Variants in EVI5 observed in about 807,000 individuals in gnomAD.
EVI5 encodes the protein ecotropic viral integration site 5.
EVI5 carries 73 observed loss-of-function variants against 112.0 expected under a neutral mutation model. The observed-to-expected ratio is 0.65, with a 90% CI of 0.54 to 0.79. The LOEUF (loss-of-function observed/expected upper bound fraction) is 0.79, where lower values mean the gene tolerates loss of function less well. Ranked by LOEUF, EVI5 falls within the 30% of genes least tolerant of loss-of-function variation. The pLI is 0.00. For synonymous variants in EVI5, 305 were observed against 319.9 expected (o/e 0.95, Z 0.50); for missense variants, 900 against 968.8 (o/e 0.93, Z 0.94).
At chr1:92,635,956 C>T (rs1171898367) in intron 14 of EVI5, among the ~76,000 whole-genome samples, 3 of 152,104 alleles carry the variant, frequency 2.0e-5, no homozygotes, top group Non-Finnish European at 2.9e-5. Flanking sequence ...TTATTCTGGT[C>T]GTTTTCCTCC....
At chr1:92,785,109 A>G, upstream of EVI5, 1 of 985,304 alleles carries the variant, frequency 1.0e-6, no homozygotes, top group South Asian at 4.7e-5. Flanking sequence ...AGGAGAGCCC[A>G]AGGCGCAGGC....
At chr1:92,532,999 CT>C (rs151026642) in intron 19 of EVI5, among the ~76,000 whole-genome samples, 39 of 140,378 alleles carry the variant, frequency 2.8e-4, no homozygotes, top group Non-Finnish European at 3.1e-4. Context: ...AATCTAGGAA[CT>C]TTTTTTTTTT....
intron 1 of EVI5, among the ~76,000 whole-genome samples, chr1:92,748,412 C>T (rs1679648499): frequency 6.6e-6 from 1 of 152,166 alleles, no homozygotes; most frequent in Admixed American, 6.5e-5. Context: ...TAAGTCTTCC[C>T]AGCTGAGACC....
At chr1:92,759,066 C>T (rs866000334) in intron 1 of EVI5, among the ~76,000 whole-genome samples, 1 of 151,898 alleles carries the variant, frequency 6.6e-6, no homozygotes, top group Admixed American at 6.6e-5. Context: ...CCATCTCTAC[C>T]GAAAATACAA....
chr1:92,608,293 T>C (rs954423404), intron 16 of EVI5, among the ~76,000 whole-genome samples: 4 of 152,228 alleles, frequency 2.6e-5, no homozygotes, highest in Non-Finnish European at 1.5e-5. Flanking sequence ...AAAATTCTTA[T>C]ACACAACTTG....
upstream of EVI5, among the ~76,000 whole-genome samples, chr1:92,786,122 T>A (rs1444656386): frequency 6.6e-6 from 1 of 151,248 alleles, no homozygotes; most frequent in Non-Finnish European, 1.5e-5. Context: ...TTATAATAAT[T>A]AGCAGCACAA....
intron 19 of EVI5, among the ~76,000 whole-genome samples, chr1:92,563,119 T>C (rs1668884557): frequency 6.6e-6 from 1 of 152,072 alleles, no homozygotes; most frequent in South Asian, 2.1e-4. Context: ...ATTTTGTGAG[T>C]TGAATCTCAC....
At chr1:92,659,511 TATC>T (rs1305277886) in intron 13 of EVI5, among the ~76,000 whole-genome samples, 1 of 152,028 alleles carries the variant, frequency 6.6e-6, no homozygotes, top group Admixed American at 6.6e-5. Flanking sequence ...TCAACATCAC[TATC>T]ATCAGAGAAA....
chr1:92,515,575 A>G (rs1659730713), intron 19 of EVI5, among the ~76,000 whole-genome samples: 1 of 152,172 alleles, frequency 6.6e-6, no homozygotes, highest in Non-Finnish European at 1.5e-5. Context: ...TTAGCTACCA[A>G]ATATCTACTC....
At chr1:92,650,091 A>G (rs1397369494) in intron 13 of EVI5, among the ~76,000 whole-genome samples, 1 of 151,898 alleles carries the variant, frequency 6.6e-6, no homozygotes, top group East Asian at 1.9e-4. Context: ...CTTTGTATTA[A>G]GTTTACAAAT....
chr1:92,745,293 A>G (rs975567128), intron 1 of EVI5, among the ~76,000 whole-genome samples: 31 of 152,158 alleles, frequency 2.0e-4, no homozygotes, highest in African/African-American at 7.2e-4. Flanking sequence ...AGTTGCCAAC[A>G]GTACTCATTC....
At chr1:92,697,561 C>T (rs544272279) in intron 6 of EVI5, among the ~76,000 whole-genome samples, 187 of 152,194 alleles carry the variant, frequency 1.2e-3, no homozygotes, top group African/African-American at 3.7e-3. Context: ...GCTTAGACTA[C>T]GTAACAATAA....
chr1:92,736,975 G>GT lies in EVI5; in HGVS notation c.-81-349dup, dbSNP rs547979356. Among the ~76,000 whole-genome samples, 287 of 152,286 alleles carry GT rather than the reference G, an allele frequency of 1.9e-3. 4 individuals are homozygous for GT. The highest frequency in any genetic ancestry group is 6.4e-3 in the African/African-American group (264 of 41,556). On this transcript the variant is annotated intron_variant, in intron 1 of 19. Coordinates refer to ENST00000684568, the MANE Select transcript of EVI5 (RefSeq NM_001350197.2). Reference sequence around the variant, plus strand: ...TTTTAAAAATACATCCTACATGTATGTATGTATATGGGTGTATTGAGTGAG... The same window carrying GT: ...TTTTAAAAATACATCCTACATGTATGTTATGTATATGGGTGTATTGAGTGAG...
intron 2 of EVI5, among the ~76,000 whole-genome samples, chr1:92,715,423 T>C (rs1673473589): frequency 6.6e-6 from 1 of 152,242 alleles, no homozygotes. Flanking sequence ...CTGCTCCTTT[T>C]ATTTCTTCAA....
chr1:92,617,196 T>A (rs1228742844), intron 16 of EVI5, among the ~76,000 whole-genome samples: 1 of 152,178 alleles, frequency 6.6e-6, no homozygotes, highest in African/African-American at 2.4e-5. Flanking sequence ...TGAAGGTAAA[T>A]CTTCCCAGTG....
chr1:92,666,220 T>C (rs2102216779), intron 10 of EVI5, among the ~76,000 whole-genome samples: 1 of 152,020 alleles, frequency 6.6e-6, no homozygotes, highest in East Asian at 1.9e-4. Context: ...GGCAGATGGC[T>C]TGAGCTCAGA....
intron 13 of EVI5, among the ~76,000 whole-genome samples, chr1:92,655,929 CTCTA>C (rs1042172707): frequency 3.9e-5 from 6 of 152,056 alleles, no homozygotes; most frequent in African/African-American, 1.4e-4. Flanking sequence ...AGAAAAACTA[CTCTA>C]TCTAAGAAAA....
At chr1:92,735,126 T>C (rs917279262) in intron 2 of EVI5, among the ~76,000 whole-genome samples, 9 of 152,200 alleles carry the variant, frequency 5.9e-5, no homozygotes, top group South Asian at 2.1e-4. Flanking sequence ...AATGAAAGCA[T>C]ATATCCATGC....
chr1:92,616,540 G>C (rs1039085815), intron 16 of EVI5, among the ~76,000 whole-genome samples: 6 of 151,972 alleles, frequency 3.9e-5, no homozygotes, highest in Admixed American at 6.5e-5. Context: ...GAAATTGATA[G>C]GAAGTCTGCT....
Sources: gnomAD v4.1 joint callset for allele counts (sites outside exome capture counted in the v4.1 genomes callset) on GRCh38, gnomAD v4.1.1 for gene constraint, MANE v1.5 for transcripts, NCBI Gene and HGNC (gene_info 2026-07-23, HGNC 2026-07-21) for gene names.